CSMD1: variants seen among roughly 807,000 people sequenced by gnomAD.
CSMD1 encodes CUB and Sushi multiple domains 1, also known as CUB and sushi domain-containing protein 1.
A neutral mutation model predicts 417.5 loss-of-function variants in CSMD1; 213 were observed. The ratio of observed to expected loss-of-function variants is 0.51; its 90% CI spans 0.46 to 0.57. The LOEUF is 0.57. Among genes scored for constraint, CSMD1 ranks in the 20% least tolerant of loss-of-function variants. The probability of loss-of-function intolerance (pLI) is 0.00; values close to 1 mark genes in which losing one functional copy is unlikely to be tolerated. For missense variants in CSMD1, 6,923 were observed against 4,529.7 expected (o/e 1.53, Z -15.17); for synonymous variants, 2,862 against 1,736.8 (o/e 1.65, Z -16.11).
chr8:3,854,516 G>A (rs1016380113), intron 5 of CSMD1, among the ~76,000 whole-genome samples: 4 of 152,056 alleles, frequency 2.6e-5, no homozygotes, highest in African/African-American at 7.2e-5. Context: ...AGGCATAGTG[G>A]CTTAACTGCA....
chr8:4,793,943 T>C (rs1017669002), intron 1 of CSMD1, among the ~76,000 whole-genome samples: 2 of 151,944 alleles, frequency 1.3e-5, no homozygotes, highest in African/African-American at 4.8e-5. Flanking sequence ...TGTGTGAAAA[T>C]GAACTGGCAC....
chr8:4,576,127 CT>C (rs1799124974), intron 2 of CSMD1, among the ~76,000 whole-genome samples: 1 of 152,226 alleles, frequency 6.6e-6, no homozygotes, highest in Admixed American at 6.5e-5. Context: ...TAGCCTATCC[CT>C]CTTAGAATAA....
intron 5 of CSMD1, among the ~76,000 whole-genome samples, chr8:3,989,568 A>T (rs546036399): frequency 7.9e-4 from 120 of 152,332 alleles, no homozygotes; most frequent in African/African-American, 2.8e-3. Context: ...TTTTCCCCAA[A>T]CAAGAAAGGG....
intron 2 of CSMD1, among the ~76,000 whole-genome samples, chr8:4,610,097 T>G (rs1474286378): frequency 6.6e-6 from 1 of 152,154 alleles, no homozygotes; most frequent in Non-Finnish European, 1.5e-5. Context: ...CTACCTCTAT[T>G]TCTCTCCTTT....
chr8:4,520,619 T>C (rs1161510860), intron 2 of CSMD1, among the ~76,000 whole-genome samples: 1 of 152,168 alleles, frequency 6.6e-6, no homozygotes, highest in Non-Finnish European at 1.5e-5. Flanking sequence ...TCAGGAGTTC[T>C]TGGTTTAGAT....
intron 26 of CSMD1, among the ~76,000 whole-genome samples, chr8:3,271,768 G>A (rs896557133): frequency 6.6e-6 from 1 of 151,980 alleles, no homozygotes; most frequent in Non-Finnish European, 1.5e-5. Context: ...CCCACTTTTT[G>A]ATGGGGTTGT....
intron 2 of CSMD1, among the ~76,000 whole-genome samples, chr8:4,550,898 C>T (rs896469636): frequency 1.3e-4 from 20 of 152,212 alleles, no homozygotes; most frequent in African/African-American, 4.3e-4. Context: ...TACTAGAAAA[C>T]GGAGACCCAG....
intron 3 of CSMD1, among the ~76,000 whole-genome samples, chr8:4,411,451 C>G (rs1005877363): frequency 1.3e-5 from 2 of 152,108 alleles, no homozygotes; most frequent in African/African-American, 4.8e-5. Flanking sequence ...TTACTTGGTT[C>G]TATTTTTCAT....
At chr8:3,416,445 C>A (rs1813157724) in intron 12 of CSMD1, among the ~76,000 whole-genome samples, 1 of 151,646 alleles carries the variant, frequency 6.6e-6, no homozygotes, top group African/African-American at 2.4e-5. Flanking sequence ...TGAATGTGGA[C>A]TATGATGGAT....
At chr8:3,712,884 C>A (rs894818726) in intron 6 of CSMD1, among the ~76,000 whole-genome samples, 4 of 152,114 alleles carry the variant, frequency 2.6e-5, no homozygotes, top group African/African-American at 7.2e-5. Context: ...AAAAGATGGA[C>A]AATTTCAGTT....
chr8:3,385,613 C>T (rs1212147943), intron 18 of CSMD1, among the ~76,000 whole-genome samples: 1 of 152,018 alleles, frequency 6.6e-6, no homozygotes, highest in Non-Finnish European at 1.5e-5. Context: ...TAAGAGTTTA[C>T]TATTAATTAT....
chr8:3,389,363 C>T (rs570955051), intron 17 of CSMD1, among the ~76,000 whole-genome samples: 29 of 152,144 alleles, frequency 1.9e-4, no homozygotes, highest in African/African-American at 5.8e-4. Context: ...TGAGAACATG[C>T]GGCGTTTGGT....
intron 5 of CSMD1, among the ~76,000 whole-genome samples, chr8:3,953,386 T>C (rs1398996439): frequency 1.3e-5 from 2 of 152,190 alleles, no homozygotes; most frequent in Non-Finnish European, 2.9e-5. Context: ...TGTTTATATA[T>C]ACTTAGATAT....
At chr8:3,958,283 G>T (rs1297536052) in intron 5 of CSMD1, among the ~76,000 whole-genome samples, 1 of 149,998 alleles carries the variant, frequency 6.7e-6, no homozygotes, top group African/African-American at 2.4e-5. Context: ...TTTTTTGTGG[G>T]GATGTGGAAA....
chr8:4,627,416 A>G (rs1802182650), intron 2 of CSMD1, among the ~76,000 whole-genome samples: 1 of 152,192 alleles, frequency 6.6e-6, no homozygotes, highest in Admixed American at 6.5e-5. Flanking sequence ...CTATTTCAAC[A>G]AACTACTTCT....
intron 1 of CSMD1, among the ~76,000 whole-genome samples, chr8:4,682,930 T>C (rs1038677955): frequency 6.9e-6 from 1 of 144,868 alleles, no homozygotes; most frequent in Admixed American, 7.0e-5. Flanking sequence ...GTTTCTCTCA[T>C]TTCTTTAGGA....
chr8:4,461,882 A>T (rs925372112), intron 2 of CSMD1, among the ~76,000 whole-genome samples: 1 of 151,794 alleles, frequency 6.6e-6, no homozygotes, highest in African/African-American at 2.4e-5. Flanking sequence ...CTCGGACTAC[A>T]GGAGCCCGCC....
chr8:4,085,816 T>C (rs1800389188), intron 3 of CSMD1, among the ~76,000 whole-genome samples: 1 of 152,078 alleles, frequency 6.6e-6, no homozygotes, highest in Non-Finnish European at 1.5e-5. Flanking sequence ...TGAAGCTTCC[T>C]GATAGCCAGA....
intron 2 of CSMD1, among the ~76,000 whole-genome samples, chr8:4,566,161 G>T (rs1201115830): frequency 6.6e-6 from 1 of 152,090 alleles, no homozygotes; most frequent in South Asian, 2.1e-4. Flanking sequence ...CTTGCTATCA[G>T]CACTGAATGA....
Sources: gnomAD v4.1 joint callset for allele counts (sites outside exome capture counted in the v4.1 genomes callset) on GRCh38, gnomAD v4.1.1 for gene constraint, MANE v1.5 for transcripts, NCBI Gene and HGNC (gene_info 2026-07-23, HGNC 2026-07-21) for gene names.